Variants in RBFOX1 observed in about 807,000 individuals in gnomAD.
RBFOX1 encodes the protein RNA binding protein fox-1 homolog 1.
Under a neutral mutation model 57.7 loss-of-function variants are expected in RBFOX1, and 8 were observed. The observed-to-expected ratio is 0.14, with a 90% CI of 0.08 to 0.25. The LOEUF (loss-of-function observed/expected upper bound fraction) is 0.25, where lower values mean the gene tolerates loss of function less well. Ranked by LOEUF, RBFOX1 falls within the 10% of genes least tolerant of loss-of-function variation. The pLI is 1.00. For synonymous variants in RBFOX1, 326 were observed against 222.4 expected, an observed-to-expected ratio of 1.47 and a Z score of -4.15; for missense variants, 611 against 548.5, an observed-to-expected ratio of 1.11 and a Z score of -1.14.
intron 1 of RBFOX1, among the ~76,000 whole-genome samples, chr16:5,396,529 C>A (rs1441239177): frequency 6.6e-6 from 1 of 152,168 alleles, no homozygotes; most frequent in Admixed American, 6.5e-5. Context: ...GTATTCCCAA[C>A]TACTCAGGAG....
In RBFOX1 at chr16:7,620,639, C is replaced by G. The variant is rs557891091; in HGVS notation, c.677-9964C>G. On this transcript the variant is annotated intron_variant, in intron 10 of 15. Transcript: ENST00000550418. ...GAGTCAGGTGTTTCCTGCCAGATGG[C>G]AGCTTCGGAATTCTTAGATGTGGCT... 2.0e-5 allele frequency among the ~76,000 whole-genome samples: 3 copies of G among 152,282 alleles called. No individual in the cohort carries two copies. The South Asian group carries it at 6.2e-4, about 32-fold the overall frequency.
intron 1 of RBFOX1, among the ~76,000 whole-genome samples, chr16:5,349,643 G>T (rs1009949272): frequency 1.3e-5 from 2 of 151,984 alleles, no homozygotes; most frequent in Non-Finnish European, 1.5e-5. Flanking sequence ...TTGCACTTCA[G>T]TCTGGGTGAC....
At chr16:6,135,737 T>C (rs902144606) in intron 1 of RBFOX1, among the ~76,000 whole-genome samples, 3 of 150,606 alleles carry the variant, frequency 2.0e-5, no homozygotes, top group Admixed American at 6.6e-5. Context: ...AAATCTCAAG[T>C]GTGGCTGAAG....
chr16:7,390,678 A>G (rs1192799976), intron 4 of RBFOX1, among the ~76,000 whole-genome samples: 1 of 152,186 alleles, frequency 6.6e-6, no homozygotes, highest in African/African-American at 2.4e-5. Context: ...TTTTTGATGA[A>G]AAGAATCAAT....
chr16:7,048,044 A>C (rs1272747232), intron 3 of RBFOX1, among the ~76,000 whole-genome samples: 1 of 151,670 alleles, frequency 6.6e-6, no homozygotes, highest in African/African-American at 2.4e-5. Flanking sequence ...ACGCCTGGCT[A>C]ATTTTTGTAT....
intron 2 of RBFOX1, among the ~76,000 whole-genome samples, chr16:6,628,502 T>C (rs2098339792): frequency 6.6e-6 from 1 of 152,226 alleles, no homozygotes. Flanking sequence ...TTCACATTTT[T>C]ATCATATTTG....
At chr16:7,227,476 A>G (rs951211851) in intron 4 of RBFOX1, among the ~76,000 whole-genome samples, 2 of 152,120 alleles carry the variant, frequency 1.3e-5, no homozygotes, top group Non-Finnish European at 2.9e-5. Context: ...GATTTTATTC[A>G]GGGTTATTTA....
chr16:7,337,808 C>T (rs1378706121), intron 4 of RBFOX1, among the ~76,000 whole-genome samples: 1 of 152,154 alleles, frequency 6.6e-6, no homozygotes, highest in African/African-American at 2.4e-5. Flanking sequence ...CCTCAGCCTC[C>T]CAAGTAACTG....
At chr16:6,565,455 C>T (rs1166844044) in intron 2 of RBFOX1, among the ~76,000 whole-genome samples, 3 of 151,124 alleles carry the variant, frequency 2.0e-5, no homozygotes, top group Admixed American at 6.6e-5. Flanking sequence ...GATGGGGTTT[C>T]ACCATGTTAG....
At chr16:6,655,002 T>C (rs1255512030) in intron 3 of RBFOX1, among the ~76,000 whole-genome samples, 1 of 151,888 alleles carries the variant, frequency 6.6e-6, no homozygotes, top group African/African-American at 2.4e-5. Context: ...TAATTAATTA[T>C]ATTATTACTT....
chr16:6,768,396 A>G (rs759970678), intron 3 of RBFOX1, among the ~76,000 whole-genome samples: 45 of 152,058 alleles, frequency 3.0e-4, no homozygotes, highest in Non-Finnish European at 4.4e-4. Flanking sequence ...TGAAAATACA[A>G]ATATAATTGC....
chr16:6,654,921 G>T (rs2154089889), intron 3 of RBFOX1, among the ~76,000 whole-genome samples: 1 of 152,098 alleles, frequency 6.6e-6, no homozygotes, highest in Middle Eastern at 3.4e-3. Context: ...TTCTTTTCAG[G>T]AAAATACTTT....
At chr16:6,883,539 G>A (rs1468412238) in intron 3 of RBFOX1, among the ~76,000 whole-genome samples, 1 of 152,120 alleles carries the variant, frequency 6.6e-6, no homozygotes, top group Non-Finnish European at 1.5e-5. Flanking sequence ...CTTCCTAAAC[G>A]GCACACTGCC....
chr16:7,421,968 C>G (rs901841863), intron 4 of RBFOX1, among the ~76,000 whole-genome samples: 1 of 152,084 alleles, frequency 6.6e-6, no homozygotes, highest in Non-Finnish European at 1.5e-5. Flanking sequence ...CATATCTGTT[C>G]CATATTTTTC....
intron 2 of RBFOX1, among the ~76,000 whole-genome samples, chr16:6,585,446 C>T (rs970383060): frequency 1.3e-5 from 2 of 152,206 alleles, no homozygotes; most frequent in South Asian, 2.1e-4. Flanking sequence ...TTCTCGGTCC[C>T]CTTTGAATAG....
chr16:7,250,386 C>G (rs2094460968), intron 4 of RBFOX1, among the ~76,000 whole-genome samples: 1 of 152,172 alleles, frequency 6.6e-6, no homozygotes, highest in African/African-American at 2.4e-5. Flanking sequence ...TTAAAGCCAG[C>G]TTAATGATAT....
chr16:5,279,837 C>T (rs9935114), intron 1 of RBFOX1, among the ~76,000 whole-genome samples: 48,839 of 152,042 alleles, frequency 0.32, 7,884 homozygotes, highest in Non-Finnish European at 0.33. Context: ...TTGGTGGAGT[C>T]TTTGGGTTTT....
intron 1 of RBFOX1, among the ~76,000 whole-genome samples, chr16:6,267,779 G>T (rs1204033006): frequency 3.3e-5 from 5 of 152,098 alleles, no homozygotes; most frequent in Non-Finnish European, 5.9e-5. Flanking sequence ...ATGATAACCA[G>T]GTGTGTGGCT....
chr16:6,901,379 C>T (rs1404403856), intron 3 of RBFOX1, among the ~76,000 whole-genome samples: 2 of 152,108 alleles, frequency 1.3e-5, no homozygotes, highest in Non-Finnish European at 2.9e-5. Flanking sequence ...GGTGCAAAAT[C>T]AAAGTGAACA....
Sources: gnomAD v4.1 joint callset for allele counts (sites outside exome capture counted in the v4.1 genomes callset) on GRCh38, gnomAD v4.1.1 for gene constraint, MANE v1.5 for transcripts, NCBI Gene and HGNC (gene_info 2026-07-23, HGNC 2026-07-21) for gene names.